Variants in PHF2 observed in about 807,000 individuals in gnomAD.
PHF2 encodes the protein lysine-specific demethylase PHF2.
Under a neutral mutation model 120.5 loss-of-function variants are expected in PHF2, and 27 were observed. The ratio of observed to expected loss-of-function variants is 0.22; its 90% CI spans 0.17 to 0.31. The LOEUF is 0.31. PHF2 is among the 10% of genes least tolerant of loss of function. The probability of loss-of-function intolerance (pLI) is 1.00; values close to 1 mark genes in which losing one functional copy is unlikely to be tolerated. For missense variants in PHF2, 1,024 were observed against 1,434.8 expected, an observed-to-expected ratio of 0.71 and a Z score of 4.63; for synonymous variants, 568 against 592.5, an observed-to-expected ratio of 0.96 and a Z score of 0.60.
chr9:93,623,811 C>A (rs1416770591), intron 1 of PHF2, among the ~76,000 whole-genome samples: 1 of 152,166 alleles, frequency 6.6e-6, no homozygotes, highest in African/African-American at 2.4e-5. Context: ...AACAATTTGC[C>A]AAGATCTTTT....
chr9:93,672,635 G>A (rs1826826760), intron 17 of PHF2: 1 of 984,814 alleles, frequency 1.0e-6, no homozygotes, highest in African/African-American at 1.8e-5. Flanking sequence ...TGTAGATGCA[G>A]GTGCGGGGGT....
intron 1 of PHF2, among the ~76,000 whole-genome samples, chr9:93,583,637 G>A (rs1862974823): frequency 6.6e-6 from 1 of 151,722 alleles, no homozygotes. Flanking sequence ...TATGTTTTTG[G>A]CTAGCATTTC....
chr9:93,675,903 A>AGG, intron 20 of PHF2, 114 bp downstream of exon 20: 1 of 716,188 alleles, frequency 1.4e-6, no homozygotes, highest in South Asian at 1.7e-5. Context: ...CCACTGAGCC[A>AGG]GGGGTGGTCA....
Position 93,663,661 on chromosome 9 carries a change from G to A in PHF2, c.1937+26G>A, listed in dbSNP as rs143087428. 245 of 1,364,918 alleles carry A rather than the reference G, an allele frequency of 1.8e-4. 1 individual carries two copies. In the East Asian group the frequency reaches 5.5e-3, roughly 31 times the overall value. The allele number at this position is 1,364,918 out of a possible 1,614,324, so 84.6% of individuals were successfully genotyped here. Reference sequence around the variant, plus strand: ...GTATGTGAGTGCCTGGATGGGAGGGGTGACCTCGCGCATAACCGACATCAC... The same window carrying A: ...GTATGTGAGTGCCTGGATGGGAGGGATGACCTCGCGCATAACCGACATCAC... On this transcript the variant is annotated intron_variant, in intron 14 of 21. Coordinates refer to ENST00000359246, the MANE Select transcript of PHF2 (RefSeq NM_005392.4).
At chr9:93,617,921 C>T (rs770872605) in intron 1 of PHF2, among the ~76,000 whole-genome samples, 2 of 152,188 alleles carry the variant, frequency 1.3e-5, no homozygotes, top group Non-Finnish European at 2.9e-5. Context: ...GTGGGTCTGC[C>T]TTTCCCAGCC....
intron 1 of PHF2, 75 bp from the exon 2 acceptor site, chr9:93,629,895 C>A: frequency 7.0e-7 from 1 of 1,426,656 alleles, no homozygotes; most frequent in Non-Finnish European, 9.9e-7. Flanking sequence ...GGGATTCTCC[C>A]TAGAGCTTCG....
At chr9:93,644,847 G>A (rs908208179) in intron 3 of PHF2, among the ~76,000 whole-genome samples, 9 of 152,174 alleles carry the variant, frequency 5.9e-5, no homozygotes, top group African/African-American at 1.9e-4. Context: ...GTGTGTAAAT[G>A]CTCTGCCAAG....
chr9:93,677,503 C>A lies in PHF2; in HGVS notation c.3203-85C>A. ...ACTGCAGGCTGCCCCTTAGTGTCAG[C>A]GGGACCCTCCCCCCCACCGGCATGC... On this transcript the variant is annotated intron_variant, in intron 21 of 21. Transcript: ENST00000359246. The surrounding 1 kb of genome is among the most constrained non-coding windows in gnomAD (Gnocchi z 4.4). The A allele has an allele frequency of 3.1e-6, 3 of 976,736 alleles. No homozygotes were observed. Among genetic ancestry groups the A allele is most frequent in the African/African-American group, 1.6e-5 (1 of 62,456 alleles). The allele number at this position is 976,736 out of a possible 1,614,324, so 60.5% of individuals were successfully genotyped here. A position where few individuals can be genotyped will look rare whatever the true frequency, so the allele number is the denominator to read the frequency against.
At chr9:93,586,197 C>T (rs1476491730) in intron 1 of PHF2, among the ~76,000 whole-genome samples, 1 of 152,256 alleles carries the variant, frequency 6.6e-6, no homozygotes, top group Non-Finnish European at 1.5e-5. Flanking sequence ...GCAGCACACA[C>T]AGGCTCAAAT....
At chr9:93,632,528 G>A (rs182479744) in intron 2 of PHF2, among the ~76,000 whole-genome samples, 2 of 152,290 alleles carry the variant, frequency 1.3e-5, no homozygotes, top group African/African-American at 2.4e-5. Context: ...TCAGTGTGTG[G>A]TGAGGGCCTG....
At chr9:93,663,781 CA>C in intron 14 of PHF2, 146 bp downstream of exon 14, 1 of 585,262 alleles carries the variant, frequency 1.7e-6, no homozygotes, top group Non-Finnish European at 3.1e-6. Flanking sequence ...ACACACCACA[CA>C]CTGCATCACA....
intron 1 of PHF2, among the ~76,000 whole-genome samples, chr9:93,578,207 C>T (rs1862869822): frequency 6.6e-6 from 1 of 152,150 alleles, no homozygotes; most frequent in African/African-American, 2.4e-5. Context: ...TACCTCCCTG[C>T]TGTTAGAAGG....
In PHF2 at chr9:93,656,345, C is replaced by CA; in HGVS notation, c.1041-144_1041-143insA. On this transcript the variant is annotated intron_variant, in intron 8 of 21. Coordinates refer to ENST00000359246, the MANE Select transcript of PHF2 (RefSeq NM_005392.4). The surrounding 1 kb of genome is among the most constrained non-coding windows in gnomAD (Gnocchi z 4.1). ...TCATGGGCCCCGAGGTCTGCAGCCA[C>CA]CAGGGCAGTTTTCCCCTGGTCCTCC... 1 of 658,464 alleles carries CA rather than the reference C, an allele frequency of 1.5e-6. No individual in the cohort carries two copies. Among genetic ancestry groups the CA allele is most frequent in the Non-Finnish European group, 2.7e-6 (1 of 373,546 alleles). 40.8% of individuals were successfully genotyped at this position (658,464 alleles called of 1,614,324 possible).
At chr9:93,675,158 C>A in intron 19 of PHF2, 136 bp downstream of exon 19, 1 of 694,624 alleles carries the variant, frequency 1.4e-6, no homozygotes. Flanking sequence ...GGCAGCCCGT[C>A]CCGCTGGGGT....
At chr9:93,622,012 G>C (rs957958056) in intron 1 of PHF2, among the ~76,000 whole-genome samples, 2 of 152,166 alleles carry the variant, frequency 1.3e-5, no homozygotes, top group Non-Finnish European at 2.9e-5. Context: ...GGGCATTTGG[G>C]GGCCTTTCCA....
At chr9:93,579,187 C>T (rs1209487276) in intron 1 of PHF2, among the ~76,000 whole-genome samples, 6 of 152,166 alleles carry the variant, frequency 3.9e-5, no homozygotes, top group Admixed American at 1.3e-4. Context: ...GACCAGACCC[C>T]GGGGTTTCTC....
In PHF2 at chr9:93,660,510, G is replaced by A; in HGVS notation, c.1648G>A (p.Ala550Thr). 1 of 1,600,640 alleles carries A rather than the reference G, an allele frequency of 6.2e-7. No homozygotes were observed. Among genetic ancestry groups the A allele is most frequent in the Non-Finnish European group, 8.5e-7 (1 of 1,175,010 alleles). ...PTIPNLDLLEAHTKEALTKME... is the reference protein window; with the variant it reads ...PTIPNLDLLETHTKEALTKME... ...CATCCCCAACCTGGACCTGCTCGAA[G>A]CCCACACCAAGGAGGCACTGACCAA... The change falls in exon 12 of 22, where the codon GCC becomes ACC. Residue 550 changes from alanine to threonine, a missense_variant. Around this residue, in one of 2 missense-constraint regions of PHF2, gnomAD observed 677 missense variants for 857.4 expected, o/e 0.79. Transcript: ENST00000359246.
chr9:93,662,284 T>G (rs1451327249), intron 12 of PHF2, among the ~76,000 whole-genome samples: 1 of 151,498 alleles, frequency 6.6e-6, no homozygotes, highest in Non-Finnish European at 1.5e-5. Context: ...GATGGGTAGA[T>G]GGATGAATGG....
chr9:93,601,260 G>A (rs1449859046), intron 1 of PHF2, among the ~76,000 whole-genome samples: 1 of 152,206 alleles, frequency 6.6e-6, no homozygotes, highest in Non-Finnish European at 1.5e-5. Context: ...TATACAGCCA[G>A]GGACTCCAGC....
Sources: gnomAD v4.1 joint callset for allele counts (sites outside exome capture counted in the v4.1 genomes callset) on GRCh38, gnomAD v4.1.1 for gene constraint, gnomAD v4.1.1 regional missense constraint, Gnocchi (gnomAD v3.1) non-coding constraint, MANE v1.5 for transcripts, NCBI Gene and HGNC (gene_info 2026-07-23, HGNC 2026-07-21) for gene names.